The following IL34 variants were observed in gnomAD, a reference collection of about 807,000 sequenced individuals.
IL34 encodes the protein interleukin-34.
A neutral mutation model predicts 25.3 loss-of-function variants in IL34; 17 were observed. The observed-to-expected ratio is 0.67, with a 90% confidence interval of 0.46 to 1.01. IL34 has a LOEUF of 1.01. IL34 is among the 50% of genes least tolerant of loss of function. The pLI is 0.00. For missense variants in IL34, 368 were observed against 312.9 expected (o/e 1.18, Z -1.33); for synonymous variants, 174 against 140.9 (o/e 1.23, Z -1.66).
At chr16:70,618,087 A>G (rs897483448) in intron 1 of IL34, among the ~76,000 whole-genome samples, 2 of 152,186 alleles carry the variant, frequency 1.3e-5, no homozygotes, top group Non-Finnish European at 2.9e-5. Flanking sequence ...TAGCAGATGG[A>G]ACACTGAGAA....
At chr16:70,654,455 T>C in intron 1 of IL34, 83 bp from the exon 2 acceptor site, 3 of 1,494,484 alleles carry the variant, frequency 2.0e-6, no homozygotes, top group African/African-American at 1.4e-5. Context: ...AAATGGATGA[T>C]GGTTGTGCTC....
At chr16:70,635,048 C>T (rs183051323) in intron 1 of IL34, among the ~76,000 whole-genome samples, 5 of 152,292 alleles carry the variant, frequency 3.3e-5, no homozygotes, top group Non-Finnish European at 5.9e-5. Context: ...AATACAGCAG[C>T]AATAGGCATT....
chr16:70,640,451 C>G (rs2051753878), intron 1 of IL34, among the ~76,000 whole-genome samples: 1 of 151,940 alleles, frequency 6.6e-6, no homozygotes, highest in South Asian at 2.1e-4. Flanking sequence ...AGATGAAACC[C>G]TGTCTCTACT....
Position 70,646,830 on chromosome 16 carries a change from C to G in IL34, c.-118C>G. 9.9e-7 allele frequency: 1 copy of G among 1,008,430 alleles called. No individual in the cohort carries two copies. The highest frequency in any genetic ancestry group is 1.4e-6 in the Non-Finnish European group (1 of 720,940). 62.5% of individuals were successfully genotyped at this position (1,008,430 alleles called of 1,614,324 possible). On this transcript the variant is annotated 5_prime_UTR_variant, in exon 1 of 6. Coordinates refer to ENST00000288098, the MANE Select transcript of IL34 (RefSeq NM_001393494.1). ...CCCAGCCACTCCTCCAGGGCCAGCC[C>G]TTCCCTGACTGAGTGACCACCTCTG...
intron 1 of IL34, among the ~76,000 whole-genome samples, chr16:70,602,042 G>A (rs2050925850): frequency 6.6e-6 from 1 of 152,226 alleles, no homozygotes; most frequent in South Asian, 2.1e-4. Flanking sequence ...TACAGCTGGA[G>A]TGGACTGCCC....
chr16:70,650,575 C>A (rs764554586), intron 1 of IL34, among the ~76,000 whole-genome samples: 1 of 152,110 alleles, frequency 6.6e-6, no homozygotes, highest in Non-Finnish European at 1.5e-5. Context: ...GAAAAAAGAC[C>A]CAGTGTGGAC....
At chr16:70,623,519 C>T (rs1470880835) in intron 1 of IL34, among the ~76,000 whole-genome samples, 2 of 151,984 alleles carry the variant, frequency 1.3e-5, no homozygotes, top group African/African-American at 4.8e-5. Context: ...CCTTTCAAAG[C>T]ATGCTGTGGG....
At chr16:70,627,612 G>A (rs2051424885) in intron 1 of IL34, among the ~76,000 whole-genome samples, 1 of 152,056 alleles carries the variant, frequency 6.6e-6, no homozygotes, top group South Asian at 2.1e-4. Context: ...GGGACTACAG[G>A]CACAAGCCAC....
intron 1 of IL34, among the ~76,000 whole-genome samples, chr16:70,648,574 AAGG>A (rs1427428867): frequency 2.7e-5 from 4 of 150,086 alleles, no homozygotes; most frequent in Non-Finnish European, 4.4e-5. Flanking sequence ...AAAAAAAAAA[AAGG>A]AGAAAAGAAA....
chr16:70,644,089 C>G (rs1338273593), upstream of IL34, among the ~76,000 whole-genome samples: 4 of 152,204 alleles, frequency 2.6e-5, no homozygotes, highest in Admixed American at 2.6e-4. Context: ...ATTCTGCTGC[C>G]TCAGCCTCCT....
intron 1 of IL34, among the ~76,000 whole-genome samples, chr16:70,653,191 T>A (rs2052123961): frequency 6.6e-6 from 1 of 151,826 alleles, no homozygotes; most frequent in African/African-American, 2.4e-5. Flanking sequence ...CTAGCCTGGG[T>A]GACAGAGAAA....
intron 1 of IL34, among the ~76,000 whole-genome samples, chr16:70,593,015 C>T (rs138998013): frequency 1.8e-4 from 28 of 152,034 alleles, no homozygotes; most frequent in African/African-American, 4.3e-4. Context: ...TAAATAGAGA[C>T]GGGGTTTCAC....
chr16:70,596,589 T>C (rs577622992), intron 1 of IL34, among the ~76,000 whole-genome samples: 2 of 152,264 alleles, frequency 1.3e-5, no homozygotes, highest in Admixed American at 1.3e-4. Context: ...CCTCAGAAAC[T>C]GGAGCCCCTG....
At chr16:70,582,852 G>T (rs2050650092) in intron 1 of IL34, among the ~76,000 whole-genome samples, 1 of 152,192 alleles carries the variant, frequency 6.6e-6, no homozygotes, top group African/African-American at 2.4e-5. Context: ...CAGTCAGCCT[G>T]GGTGCTTGGG....
intron 1 of IL34, among the ~76,000 whole-genome samples, chr16:70,618,551 T>G (rs943013998): frequency 6.6e-6 from 1 of 152,174 alleles, no homozygotes; most frequent in South Asian, 2.1e-4. Flanking sequence ...AAAGTATTAA[T>G]GCAGCGGCAG....
At position 70,646,973 on chromosome 16, in the gene IL34, G is replaced by A. The variant is rs775050345; in HGVS notation, c.26G>A (p.Arg9His). The A allele has an allele frequency of 9.6e-6, 14 of 1,462,166 alleles. No homozygotes were observed. Among genetic ancestry groups the A allele is most frequent in the Non-Finnish European group, 1.1e-5 (12 of 1,114,878 alleles). 90.6% of individuals were successfully genotyped at this position (1,462,166 alleles called of 1,614,324 possible). MPRGFTWL[R>H]YLGIFLGVAL... ...ATGCCCCGGGGCTTCACCTGGCTGCGCTGTGAGTACTGGGGGGTCCCTAGG... is the reference window on the plus strand; with the variant it reads ...ATGCCCCGGGGCTTCACCTGGCTGCACTGTGAGTACTGGGGGGTCCCTAGG... Residue 9 changes from arginine to histidine, a missense_variant and splice_region_variant, in exon 1 of 6, where the codon CGC becomes CAC. Arg to His is a conservative substitution (Grantham distance 29). Transcript: ENST00000288098.
intron 3 of IL34, 115 bp from the exon 4 acceptor site, chr16:70,656,845 C>T: frequency 8.2e-7 from 1 of 1,225,990 alleles, no homozygotes; most frequent in Non-Finnish European, 1.2e-6. Flanking sequence ...TGTCCACTGT[C>T]CACAGCGGAC....
chr16:70,659,488 G>A, intron 4 of IL34, 130 bp from the exon 5 acceptor site: 1 of 1,191,710 alleles, frequency 8.4e-7, no homozygotes, highest in Non-Finnish European at 1.1e-6. Context: ...AGCTATCCAG[G>A]CTCATGGTCA....
At chr16:70,585,609 C>T (rs1176939630) in intron 1 of IL34, among the ~76,000 whole-genome samples, 2 of 151,612 alleles carry the variant, frequency 1.3e-5, no homozygotes, top group Non-Finnish European at 2.9e-5. Flanking sequence ...TGCTTGAATC[C>T]GGGAGGCAGA....
Sources: allele counts gnomAD v4.1 joint callset (sites outside exome capture counted in the v4.1 genomes callset), GRCh38; gene constraint gnomAD v4.1.1; transcripts MANE v1.5; gene names NCBI Gene and HGNC (gene_info 2026-07-23, HGNC 2026-07-21).